The following RASEF variants were observed in gnomAD, a reference collection of about 807,000 sequenced individuals.
The protein encoded by RASEF is ras and EF-hand domain-containing protein.
RASEF carries 68 observed loss-of-function variants against 90.1 expected under a neutral mutation model. The ratio of observed to expected loss-of-function variants is 0.75; its 90% CI spans 0.62 to 0.92. RASEF has a LOEUF of 0.92. Ranked by LOEUF, RASEF falls within the 40% of genes least tolerant of loss-of-function variation. The pLI is 0.00. For synonymous variants in RASEF, 331 were observed against 345.2 expected (o/e 0.96, Z 0.46); for missense variants, 949 against 937.2 (o/e 1.01, Z -0.16).
chr9:83,019,246 G>C (rs893434246), intron 3 of RASEF, among the ~76,000 whole-genome samples: 4 of 151,938 alleles, frequency 2.6e-5, no homozygotes, highest in African/African-American at 9.7e-5. Context: ...GAATATAAAA[G>C]AACTCTCAAA....
At chr9:83,075,679 G>T in the RASEF span, among the ~76,000 whole-genome samples, 1 of 152,002 alleles carries the variant, frequency 6.6e-6, no homozygotes, top group African/African-American at 2.4e-5. Context: ...TACATTGTTA[G>T]GTCATAGATA....
chr9:83,066,769 A>C (rs2117946163), upstream of RASEF, among the ~76,000 whole-genome samples: 1 of 152,376 alleles, frequency 6.6e-6, no homozygotes, highest in East Asian at 1.9e-4. Context: ...AAACACAAAT[A>C]AATTTTAGAA....
At chr9:83,137,334 T>A in the RASEF span, among the ~76,000 whole-genome samples, 26 of 152,246 alleles carry the variant, frequency 1.7e-4, 1 homozygote, top group Middle Eastern at 0.01. Context: ...AAGAACATAG[T>A]CACTGGGTGC....
At chr9:83,046,025 G>T (rs541501439) in intron 1 of RASEF, among the ~76,000 whole-genome samples, 2 of 123,838 alleles carry the variant, frequency 1.6e-5, no homozygotes, top group South Asian at 2.6e-4. Flanking sequence ...TTCACCTTCG[G>T]AAAAAAAAAA....
In RASEF at chr9:83,025,685, T is replaced by A; in HGVS notation, c.578+90A>T. 5 of 1,285,648 alleles carry A rather than the reference T, an allele frequency of 3.9e-6. No homozygotes were observed. In the South Asian group the frequency reaches 7.1e-5, roughly 18 times the overall value. The allele number at this position is 1,285,648 out of a possible 1,614,324, so 79.6% of individuals were successfully genotyped here. On this transcript the variant is annotated intron_variant, in intron 2 of 16. Coordinates refer to ENST00000376447, the MANE Select transcript of RASEF (RefSeq NM_152573.4). ...CTCAGGAAGTCCACCTATATCATAG[T>A]GTGACAATGCAGTTCAGTCCATTTG...
Position 83,000,993 on chromosome 9 carries a change from T to C in RASEF, c.1340A>G (p.Asn447Ser), listed in dbSNP as rs1829026480. 2 of 1,614,136 alleles carry C rather than the reference T, an allele frequency of 1.2e-6. No homozygotes were observed. The highest frequency in any genetic ancestry group is 1.1e-5 in the South Asian group (1 of 91,082). ...DSGLSTLRDP[N>S]EYDSEVEYKH... The stretch of plus-strand genomic sequence containing the variant: ...GTATTCCACTTCTGAGTCATACTCA[T>C]TGGGATCTCTCAAGGTAGACAAGCC... Residue 447 changes from asparagine to serine, a missense_variant, in exon 10 of 17, where the codon AAT becomes AGT. Asn to Ser is a conservative substitution (Grantham distance 46). Around this residue, in one of 3 missense-constraint regions of RASEF, gnomAD observed 656 missense variants for 592.2 expected, o/e 1.11. Transcript: ENST00000376447.
intron 1 of RASEF, chr9:83,055,647 G>A (rs747266979): frequency 3.2e-5 from 23 of 717,886 alleles, no homozygotes; most frequent in South Asian, 2.5e-4. Context: ...GATGCCTCAC[G>A]AACACAAATG....
the RASEF span, among the ~76,000 whole-genome samples, chr9:83,208,207 G>C: frequency 0.011 from 1,616 of 152,244 alleles, 24 homozygotes; most frequent in African/African-American, 0.035. Flanking sequence ...CCTGCAGGCT[G>C]TACTCTGAAC....
At chr9:83,025,643 GCTCTAGA>G in intron 2 of RASEF, 125 bp downstream of exon 2, 1 of 813,962 alleles carries the variant, frequency 1.2e-6, no homozygotes, top group Admixed American at 2.8e-5. Context: ...AATTTTGAAA[GCTCTAGA>G]CTCCTCAGGC....
chr9:83,168,357 G>GT, the RASEF span, among the ~76,000 whole-genome samples: 2 of 152,000 alleles, frequency 1.3e-5, no homozygotes, highest in Non-Finnish European at 2.9e-5. Flanking sequence ...GTTATTTGTG[G>GT]TTTTTTTATT....
rs1007618200 is a variant in RASEF, at chr9:83,055,434, G to C, written c.431+7003C>G. On this transcript the variant is annotated intron_variant, in intron 1 of 16. Transcript: ENST00000376447. ...ACGGTGCGCGCACACACTGGCCTGC[G>C]CCCACTGTCTCGCACTCCGTAGTGA... 4.0e-5 allele frequency: 25 copies of C among 617,366 alleles called. No individual in the cohort carries two copies. The South Asian group carries it at 4.3e-4, about 11-fold the overall frequency. 38.2% of individuals were successfully genotyped at this position (617,366 alleles called of 1,614,324 possible). A position where few individuals can be genotyped will look rare whatever the true frequency, so the allele number is the denominator to read the frequency against.
At chr9:83,148,231 T>G in the RASEF span, among the ~76,000 whole-genome samples, 1 of 152,180 alleles carries the variant, frequency 6.6e-6, no homozygotes, top group Non-Finnish European at 1.5e-5. Flanking sequence ...CATAAATGTC[T>G]AATCAGATAT....
the RASEF span, among the ~76,000 whole-genome samples, chr9:83,166,431 G>A: frequency 1.6e-4 from 24 of 152,238 alleles, no homozygotes; most frequent in African/African-American, 5.5e-4. Context: ...ACACAGGGTT[G>A]TCAATAGAGA....
chr9:83,008,132 A>G (rs1829166989), intron 6 of RASEF, among the ~76,000 whole-genome samples: 1 of 152,056 alleles, frequency 6.6e-6, no homozygotes, highest in African/African-American at 2.4e-5. Context: ...CAAACTGCTC[A>G]GAACACTGGC....
chr9:83,207,598 CTTTTTTT>C, the RASEF span, among the ~76,000 whole-genome samples: 5,387 of 85,670 alleles, frequency 0.063, 306 homozygotes, highest in African/African-American at 0.22. Flanking sequence ...AGGAGGGCTG[CTTTTTTT>C]TTTTTTTTTT....
chr9:83,065,715 C>T (rs1356267214), upstream of RASEF, among the ~76,000 whole-genome samples: 1 of 152,206 alleles, frequency 6.6e-6, no homozygotes, highest in East Asian at 1.9e-4. Context: ...CCTGTTTATT[C>T]TGCACAACCA....
At chr9:83,115,568 A>G in the RASEF span, among the ~76,000 whole-genome samples, 1 of 152,214 alleles carries the variant, frequency 6.6e-6, no homozygotes, top group Non-Finnish European at 1.5e-5. Flanking sequence ...ATGATGAAAT[A>G]CAAATTAATT....
chr9:83,008,891 CATA>C (rs1471002230), intron 6 of RASEF, among the ~76,000 whole-genome samples: 895 of 19,562 alleles, frequency 0.046, 87 homozygotes, highest in Admixed American at 0.12. Flanking sequence ...AAGTTCTCAT[CATA>C]TATATATATA....
chr9:83,146,174 G>GT, the RASEF span, among the ~76,000 whole-genome samples: 1 of 151,408 alleles, frequency 6.6e-6, no homozygotes, highest in Admixed American at 6.6e-5. Flanking sequence ...TTTGTTTTTC[G>GT]TAAGATGTCT....
Sources: gnomAD v4.1 joint callset for allele counts (sites outside exome capture counted in the v4.1 genomes callset) on GRCh38, gnomAD v4.1.1 for gene constraint, gnomAD v4.1.1 regional missense constraint, MANE v1.5 for transcripts, NCBI Gene and HGNC (gene_info 2026-07-23, HGNC 2026-07-21) for gene names.